SYDE2: variants seen among roughly 807,000 people sequenced by gnomAD.
SYDE2 encodes rho GTPase-activating protein SYDE2.
SYDE2 carries 76 observed loss-of-function variants against 91.5 expected under a neutral mutation model. That is an observed-to-expected ratio of 0.83 (90% CI 0.69 to 1.01). The LOEUF (loss-of-function observed/expected upper bound fraction) is 1.01. Ranked by LOEUF, SYDE2 falls within the 50% of genes least tolerant of loss-of-function variation. The pLI, the probability that SYDE2 is intolerant of heterozygous loss-of-function variation, is 0.00. For missense variants in SYDE2, 1,364 were observed against 1,367.7 expected, an observed-to-expected ratio of 1.00 and a Z score of 0.04; for synonymous variants, 513 against 506.4, an observed-to-expected ratio of 1.01 and a Z score of -0.18.
chr1:85,174,102 A>G (rs886440994), intron 4 of SYDE2, among the ~76,000 whole-genome samples: 1 of 152,212 alleles, frequency 6.6e-6, no homozygotes, highest in Non-Finnish European at 1.5e-5. Flanking sequence ...AAATGGCCTA[A>G]GACATGCTTA....
intron 4 of SYDE2, among the ~76,000 whole-genome samples, chr1:85,176,094 T>C (rs142936423): frequency 2.9e-4 from 44 of 149,756 alleles, no homozygotes; most frequent in African/African-American, 1.0e-3. Context: ...ATGTTTAACA[T>C]AATTTTTATT....
rs1004615278 is a variant in SYDE2 at position 85,183,580 on chromosome 1, C to CA, written c.1442-381_1442-380insT. On this transcript the variant is annotated intron_variant, in intron 2 of 6. Transcript: ENST00000341460. The stretch of plus-strand genomic sequence containing the variant: ...AAAAGTATTAATATTCTCCCTCCAC[C>CA]CCATGTGTCCTAATGACAAATAAGT... 0.015 allele frequency among the ~76,000 whole-genome samples: 72 copies of CA among 4,768 alleles called. No homozygotes were observed. In the Non-Finnish European group the frequency reaches 0.24, roughly 16 times the overall value. 3.1% of individuals were successfully genotyped at this position (4,768 alleles called of 152,430 possible). A position where few individuals can be genotyped will look rare whatever the true frequency, so the allele number is the denominator to read the frequency against.
rs1435809731 is a variant in SYDE2 at position 85,200,815 on chromosome 1, G to A, written c.182C>T (p.Pro61Leu). Reference sequence around the variant, plus strand: ...CGGCTCCCTCTGAGGCGACCGGGGCGGGGACACCTGCTGCCGAGGGCGTCC... The same window carrying A: ...CGGCTCCCTCTGAGGCGACCGGGGCAGGGACACCTGCTGCCGAGGGCGTCC... ...GGGRPRQQVS[P>L]PRSPQREPRG... Residue 61 changes from proline to leucine, a missense_variant, in exon 1 of 7, where the codon CCG becomes CTG. By Grantham distance (98) the Pro-to-Leu change is moderately conservative. Coordinates refer to ENST00000341460, the MANE Select transcript of SYDE2 (RefSeq NM_032184.2). 2.1e-6 allele frequency: 3 copies of A among 1,434,976 alleles called. No individual in the cohort carries two copies. Among genetic ancestry groups the A allele is most frequent in the Non-Finnish European group, 2.7e-6 (3 of 1,102,298 alleles). The allele number at this position is 1,434,976 out of a possible 1,614,324, so 88.9% of individuals were successfully genotyped here. A position where few individuals can be genotyped will look rare whatever the true frequency, so the allele number is the denominator to read the frequency against.
At chr1:85,165,863 T>A (rs1161454882) in intron 5 of SYDE2, among the ~76,000 whole-genome samples, 2 of 123,280 alleles carry the variant, frequency 1.6e-5, no homozygotes, top group African/African-American at 5.7e-5. Context: ...TTAAAAACTT[T>A]AATTTTTTTT....
intron 3 of SYDE2, 66 bp downstream of exon 3, chr1:85,182,032 T>C: frequency 1.4e-6 from 2 of 1,434,982 alleles, no homozygotes; most frequent in Non-Finnish European, 1.8e-6. Flanking sequence ...CTTGAATTTC[T>C]TCCCCCAAGA....
Position 85,200,646 on chromosome 1 carries a change from G to T in SYDE2, c.351C>A (p.Asp117Glu). The T allele has an allele frequency of 6.5e-6, 10 of 1,541,152 alleles. No individual in the cohort carries two copies. The highest frequency in any genetic ancestry group is 8.7e-6 in the Non-Finnish European group (10 of 1,148,840). ...TCCTGCCTCCACGTGGCGGGGGCTC[G>T]TCCCAGTCCCGGTGCGCGCCGCACC... The part of the protein sequence containing the change: ...WIRCGAHRDW[D>E]EPPPRGGRMD... Residue 117 changes from aspartate to glutamate, a missense_variant, in exon 1 of 7, where the codon GAC becomes GAA. Transcript: ENST00000341460.
intron 2 of SYDE2, among the ~76,000 whole-genome samples, chr1:85,184,182 C>T (rs1213690326): frequency 6.6e-6 from 1 of 152,148 alleles, no homozygotes; most frequent in Admixed American, 6.5e-5. Flanking sequence ...AACTGGCACA[C>T]TCCTTCAGCA....
intron 1 of SYDE2, among the ~76,000 whole-genome samples, chr1:85,196,064 T>TGTTA (rs759365600): frequency 1.6e-4 from 24 of 152,092 alleles, no homozygotes; most frequent in Non-Finnish European, 3.1e-4. Flanking sequence ...CACTAATACT[T>TGTTA]GTTAGTTAAG....
In SYDE2 at chr1:85,200,583, T is replaced by G. The variant is rs1332045562; in HGVS notation, c.414A>C (p.Ala138=). ...GWSGDRARAA[A]PTGLQPPGCK... is the part of the protein sequence containing the mutation. ...AGCCTGGAGGCTGGAGGCCGGTGGG[T>G]GCAGCCGCCCGGGCGCGGTCCCCAC... Residue 138 remains alanine, a synonymous_variant, in exon 1 of 7, where the codon GCA becomes GCC. Transcript: ENST00000341460. 6.3e-7 allele frequency: 1 copy of G among 1,586,432 alleles called. No homozygotes were observed. Among genetic ancestry groups the G allele is most frequent in the South Asian group, 1.1e-5 (1 of 89,384 alleles).
intron 5 of SYDE2, among the ~76,000 whole-genome samples, chr1:85,167,321 T>C (rs1657324337): frequency 6.6e-6 from 1 of 152,104 alleles, no homozygotes; most frequent in Non-Finnish European, 1.5e-5. Context: ...CTTCTGAGAC[T>C]CTATTCTAAA....
rs1056564761 is a variant in SYDE2, at chr1:85,190,829, T to G, written c.746-77A>C. 5 of 1,256,344 alleles carry G rather than the reference T, an allele frequency of 4.0e-6. No homozygotes were observed. In the African/African-American group the frequency reaches 7.5e-5, roughly 19 times the overall value. The allele number at this position is 1,256,344 out of a possible 1,614,324, so 77.8% of individuals were successfully genotyped here. On this transcript the variant is annotated intron_variant, in intron 1 of 6. Coordinates refer to ENST00000341460, the MANE Select transcript of SYDE2 (RefSeq NM_032184.2). ...AGACATGTCACTTCAGACCAGTTAT[T>G]TAAAAAAATTTTTTTAAACAAAAAG...
chr1:85,200,910 C>A lies in SYDE2; in HGVS notation c.87G>T (p.Pro29=). The A allele has an allele frequency of 7.6e-7, 1 of 1,323,230 alleles. No homozygotes were observed. Among genetic ancestry groups the A allele is most frequent in the South Asian group, 2.2e-5 (1 of 44,596 alleles). 82.0% of individuals were successfully genotyped at this position (1,323,230 alleles called of 1,614,324 possible). Residue 29 remains proline, a synonymous_variant, in exon 1 of 7, where the codon CCG becomes CCT. Coordinates refer to ENST00000341460, the MANE Select transcript of SYDE2 (RefSeq NM_032184.2). ...CGGCGCCGCGGGAAGGCGGCTGGCCCGGAGCCCGGGCTCCCGCGGGGAAGC... is the reference window on the plus strand; with the variant it reads ...CGGCGCCGCGGGAAGGCGGCTGGCCAGGAGCCCGGGCTCCCGCGGGGAAGC... The part of the protein sequence containing the change: ...DHSFPAGARA[P]GQPPSRGAAY...
At chr1:85,167,882 G>C (rs1056327946) in intron 5 of SYDE2, among the ~76,000 whole-genome samples, 1 of 152,092 alleles carries the variant, frequency 6.6e-6, no homozygotes, top group Non-Finnish European at 1.5e-5. Flanking sequence ...GAGAGGCCAA[G>C]GTGGGCAGAT....
In SYDE2 at chr1:85,174,928, TTAA is replaced by T. The variant is rs963277240; in HGVS notation, c.2671+3215_2671+3217del. Among the ~76,000 whole-genome samples, 21 of 152,306 alleles carry T rather than the reference TTAA, an allele frequency of 1.4e-4. 1 individual carries two copies. Among genetic ancestry groups the T allele is most frequent in the African/African-American group, 5.1e-4 (21 of 41,566 alleles). The stretch of plus-strand genomic sequence containing the variant: ...ATAGTATGTACAAAAAAGATAAATA[TTAA>T]TGTTTTCAAGATCATTTACTTATAT... On this transcript the variant is annotated intron_variant, in intron 4 of 6. Coordinates refer to ENST00000341460, the MANE Select transcript of SYDE2 (RefSeq NM_032184.2).
intron 6 of SYDE2, chr1:85,161,188 A>G: frequency 2.5e-6 from 2 of 796,378 alleles, no homozygotes; most frequent in Non-Finnish European, 3.0e-6. Context: ...AGTACTAAGA[A>G]ACTTAATTTT....
downstream of SYDE2, chr1:85,153,234 A>G (rs1656814171): frequency 6.6e-6 from 1 of 152,240 alleles, no homozygotes; most frequent in South Asian, 2.1e-4. Flanking sequence ...AGCTTCCATG[A>G]ATAGACTGGA....
intron 2 of SYDE2, among the ~76,000 whole-genome samples, chr1:85,189,486 T>C (rs537115121): frequency 2.0e-5 from 3 of 152,296 alleles, no homozygotes; most frequent in South Asian, 2.1e-4. Context: ...TTCCAACTAA[T>C]AGGCAAGCAA....
At chr1:85,178,948 C>T (rs1437669498) in intron 3 of SYDE2, among the ~76,000 whole-genome samples, 2 of 151,876 alleles carry the variant, frequency 1.3e-5, no homozygotes, top group African/African-American at 4.8e-5. Context: ...ACCCATCCCA[C>T]CAACCTACAT....
chr1:85,166,168 C>T (rs745650196), intron 5 of SYDE2, among the ~76,000 whole-genome samples: 1 of 151,766 alleles, frequency 6.6e-6, no homozygotes, highest in Non-Finnish European at 1.5e-5. Context: ...TGGGAAACCC[C>T]GACTCTACTG....
Sources: gnomAD v4.1 joint callset for allele counts (sites outside exome capture counted in the v4.1 genomes callset) on GRCh38, gnomAD v4.1.1 for gene constraint, MANE v1.5 for transcripts, NCBI Gene and HGNC (gene_info 2026-07-23, HGNC 2026-07-21) for gene names.